SOS2: variants seen among roughly 807,000 people sequenced by gnomAD.
The protein encoded by SOS2 is SOS Ras/Rho guanine nucleotide exchange factor 2, also known as son of sevenless homolog 2.
A neutral mutation model predicts 148.2 loss-of-function variants in SOS2; 65 were observed. The ratio of observed to expected loss-of-function variants is 0.44; its 90% CI spans 0.36 to 0.54. The LOEUF (loss-of-function observed/expected upper bound fraction) is 0.54. Among genes scored for constraint, SOS2 ranks in the 20% least tolerant of loss-of-function variants. The probability of loss-of-function intolerance (pLI) is 0.00; values close to 1 mark genes in which losing one functional copy is unlikely to be tolerated. For synonymous variants in SOS2, 539 were observed against 537.1 expected (o/e 1.00, Z -0.05); for missense variants, 1,341 against 1,590.2 (o/e 0.84, Z 2.67).
In SOS2 at chr14:50,201,026, T is replaced by C; in HGVS notation, c.272A>G (p.Gln91Arg). ...TCGTTTTCGTTTTTCTATAGCAGAT[T>C]GTGCATCAGCAATGGCCCATTTATC... ...PIDKWAIADAQSAIEKRKRRN... is the reference protein window; with the variant it reads ...PIDKWAIADARSAIEKRKRRN... The change falls in exon 3 of 23, where the codon CAA (glutamine) becomes CGA (arginine). Residue 91 changes from glutamine to arginine, a missense_variant. Coordinates refer to ENST00000216373, the MANE Select transcript of SOS2 (RefSeq NM_006939.4). 6.2e-7 allele frequency: 1 copy of C among 1,613,950 alleles called. No individual in the cohort carries two copies. Among genetic ancestry groups the C allele is most frequent in the Non-Finnish European group, 8.5e-7 (1 of 1,179,854 alleles).
At chr14:50,129,730 G>A (rs1337335747) in intron 21 of SOS2, among the ~76,000 whole-genome samples, 2 of 152,170 alleles carry the variant, frequency 1.3e-5, no homozygotes, top group Non-Finnish European at 2.9e-5. Context: ...CAAGTGTGGG[G>A]AAGGTAAGTA....
intron 21 of SOS2, among the ~76,000 whole-genome samples, chr14:50,127,091 C>T (rs1883702738): frequency 6.6e-6 from 1 of 151,510 alleles, no homozygotes; most frequent in South Asian, 2.1e-4. Flanking sequence ...CAAATGGCTA[C>T]CTAGTTAGAG....
At chr14:50,211,912 T>C (rs1886883910) in intron 1 of SOS2, among the ~76,000 whole-genome samples, 2 of 152,112 alleles carry the variant, frequency 1.3e-5, no homozygotes, top group Admixed American at 1.3e-4. Context: ...AATTCAAATA[T>C]TCATCCAGAA....
chr14:50,139,429 G>A (rs956189886), intron 17 of SOS2, among the ~76,000 whole-genome samples: 4 of 152,196 alleles, frequency 2.6e-5, no homozygotes, highest in Non-Finnish European at 5.9e-5. Flanking sequence ...CTATTGGAGT[G>A]TAATGAATAG....
rs1885463506 is a variant in SOS2 at position 50,174,500 on chromosome 14, A to G, written c.1022T>C (p.Met341Thr). The change falls in exon 8 of 23, where the codon ATG becomes ACG. Residue 341 changes from methionine to threonine, a missense_variant. Met to Thr is a moderately conservative substitution (Grantham distance 81, BLOSUM62 -1). Transcript: ENST00000216373. ...EAVRYVLPRL[M>T]LVPVYHCWHY... is the part of the protein sequence containing the mutation. ...CCAACAGTGATACACTGGCACCAGC[A>G]TAAGACGTGGAAGGACATAACGAAC... 4 of 1,611,220 alleles carry G rather than the reference A, an allele frequency of 2.5e-6. No homozygotes were observed. Among genetic ancestry groups the G allele is most frequent in the South Asian group, 1.1e-5 (1 of 90,624 alleles).
At position 50,125,229 on chromosome 14, in the gene SOS2, C is replaced by A. The variant is rs190715195; in HGVS notation, c.3379+4732G>T. Among the ~76,000 whole-genome samples, 373 of 152,240 alleles carry A rather than the reference C, an allele frequency of 2.5e-3. 2 individuals are homozygous for A. Among genetic ancestry groups the A allele is most frequent in the African/African-American group, 8.3e-3 (345 of 41,542 alleles). On this transcript the variant is annotated intron_variant, in intron 21 of 22. Coordinates refer to ENST00000216373, the MANE Select transcript of SOS2 (RefSeq NM_006939.4). ...GAAGACAGCCATATGACAATGGAGG[C>A]AAAGACTGAAGTGAGGCATCTACAA...
At chr14:50,185,428 A>G (rs1421846421) in intron 5 of SOS2, among the ~76,000 whole-genome samples, 1 of 152,162 alleles carries the variant, frequency 6.6e-6, no homozygotes, top group Non-Finnish European at 1.5e-5. Flanking sequence ...GCGGTGGCTC[A>G]TGCCTATAAT....
intron 8 of SOS2, among the ~76,000 whole-genome samples, chr14:50,169,575 G>C (rs1469166651): frequency 6.6e-6 from 1 of 152,020 alleles, no homozygotes; most frequent in Non-Finnish European, 1.5e-5. Context: ...GGGAGGCAGA[G>C]GTTGCAGTGA....
chr14:50,216,105 T>G (rs1283728198), intron 1 of SOS2, among the ~76,000 whole-genome samples: 1 of 151,854 alleles, frequency 6.6e-6, no homozygotes, highest in Non-Finnish European at 1.5e-5. Flanking sequence ...TTTTTTGTTT[T>G]TTTTTTTTGA....
intron 14 of SOS2, among the ~76,000 whole-genome samples, chr14:50,147,600 AAG>A (rs773940452): frequency 2.6e-5 from 4 of 152,164 alleles, no homozygotes; most frequent in African/African-American, 7.2e-5. Context: ...TAAAAATATA[AAG>A]AGAAATAGTA....
At chr14:50,124,861 GATTT>G (rs1027918544) in intron 21 of SOS2, among the ~76,000 whole-genome samples, 47 of 152,014 alleles carry the variant, frequency 3.1e-4, no homozygotes, top group African/African-American at 1.1e-3. Context: ...TTTCTTTGGG[GATTT>G]ATTTTAGAAT....
intron 1 of SOS2, among the ~76,000 whole-genome samples, chr14:50,228,667 G>A (rs1347292442): frequency 6.6e-6 from 1 of 152,142 alleles, no homozygotes; most frequent in African/African-American, 2.4e-5. Flanking sequence ...ACAGAGCCAA[G>A]TAAGCTACAT....
At chr14:50,148,795 G>T (rs1472079256) in intron 14 of SOS2, among the ~76,000 whole-genome samples, 1 of 152,074 alleles carries the variant, frequency 6.6e-6, no homozygotes, top group Non-Finnish European at 1.5e-5. Flanking sequence ...TGTAGTAAAG[G>T]TACCTTACTA....
intron 16 of SOS2, 25 bp from the exon 17 acceptor site, chr14:50,140,084 T>G: frequency 4.6e-6 from 5 of 1,089,910 alleles, no homozygotes; most frequent in Non-Finnish European, 5.5e-6. Flanking sequence ...AAATTGAGTA[T>G]AAATTTTTTA....
intron 8 of SOS2, among the ~76,000 whole-genome samples, chr14:50,171,420 T>A (rs1380015772): frequency 6.6e-6 from 1 of 151,616 alleles, no homozygotes. Flanking sequence ...GCGCGGTGGC[T>A]CACCCCTGTA....
Position 50,138,800 on chromosome 14 carries a change from A to AG in SOS2, c.2786-17_2786-16insC. On this transcript the variant is annotated splice_polypyrimidine_tract_variant and intron_variant, in intron 17 of 22. Coordinates refer to ENST00000216373, the MANE Select transcript of SOS2 (RefSeq NM_006939.4). The stretch of plus-strand genomic sequence containing the variant: ...AAATATATTCCTAGTAAAAAAAAAA[A>AG]AAGAATTTAAAGAAAAGTTATTTTA... 1.3e-6 allele frequency: 1 copy of AG among 777,912 alleles called. No homozygotes were observed. The highest frequency in any genetic ancestry group is 3.0e-5 in the East Asian group (1 of 33,652). 48.2% of individuals were successfully genotyped at this position (777,912 alleles called of 1,614,324 possible).
At chr14:50,142,837 G>A (rs565895370) in intron 16 of SOS2, among the ~76,000 whole-genome samples, 1 of 152,292 alleles carries the variant, frequency 6.6e-6, no homozygotes, top group African/African-American at 2.4e-5. Context: ...TGGGTCCTAA[G>A]AGTATGCACA....
At chr14:50,231,702 C>CTCGTCTCCTCA (rs1887556908), upstream of SOS2, 1 of 165,480 alleles carries the variant, frequency 6.0e-6, no homozygotes, top group African/African-American at 2.4e-5. Flanking sequence ...GCGGCGGCTG[C>CTCGTCTCCTCA]TCGTCTCCTC....
intron 8 of SOS2, among the ~76,000 whole-genome samples, chr14:50,168,459 C>T (rs917323685): frequency 6.6e-6 from 1 of 152,122 alleles, no homozygotes; most frequent in Non-Finnish European, 1.5e-5. Flanking sequence ...TGGGTTCACG[C>T]CATCCTTTCA....
Sources: gnomAD v4.1 joint callset for allele counts (sites outside exome capture counted in the v4.1 genomes callset) on GRCh38, gnomAD v4.1.1 for gene constraint, MANE v1.5 for transcripts, NCBI Gene and HGNC (gene_info 2026-07-23, HGNC 2026-07-21) for gene names.